Variants in STRN3 observed in about 807,000 individuals in gnomAD.
STRN3 encodes striatin-3.
A neutral mutation model predicts 95.6 loss-of-function variants in STRN3; 29 were observed. The ratio of observed to expected loss-of-function variants is 0.30; its 90% CI spans 0.23 to 0.41. STRN3 has a LOEUF of 0.41. Among genes scored for constraint, STRN3 ranks in the 10% least tolerant of loss-of-function variants. The probability of loss-of-function intolerance (pLI) is 1.00; values close to 1 mark genes in which losing one functional copy is unlikely to be tolerated. For synonymous variants in STRN3, 331 were observed against 357.6 expected (o/e 0.93, Z 0.84); for missense variants, 890 against 972.1 (o/e 0.92, Z 1.12).
chr14:30,975,793 C>G (rs1484105007), intron 1 of STRN3, among the ~76,000 whole-genome samples: 1 of 143,126 alleles, frequency 7.0e-6, no homozygotes, highest in Non-Finnish European at 1.5e-5. Flanking sequence ...ATGATGGTGC[C>G]ACTGCACTCC....
intron 1 of STRN3, among the ~76,000 whole-genome samples, chr14:30,965,168 G>C (rs2139174667): frequency 6.6e-6 from 1 of 152,208 alleles, no homozygotes; most frequent in Non-Finnish European, 1.5e-5. Context: ...GTCATTCAGA[G>C]GAGTCACATT....
At chr14:30,970,492 A>T (rs1880773260) in intron 1 of STRN3, among the ~76,000 whole-genome samples, 1 of 152,178 alleles carries the variant, frequency 6.6e-6, no homozygotes, top group African/African-American at 2.4e-5. Flanking sequence ...ATGCAATCCT[A>T]TACAGGCTAT....
chr14:30,908,047 T>C (rs1896512614), intron 13 of STRN3, among the ~76,000 whole-genome samples: 1 of 152,210 alleles, frequency 6.6e-6, no homozygotes. Context: ...TATAAATGAT[T>C]AGTGTCTAAA....
chr14:30,975,617 A>G (rs886642157), intron 1 of STRN3, among the ~76,000 whole-genome samples: 2 of 151,920 alleles, frequency 1.3e-5, no homozygotes, highest in Non-Finnish European at 2.9e-5. Flanking sequence ...GAAAAGAAAG[A>G]GGAAGTAGAC....
chr14:30,946,386 T>A (rs186462085), intron 5 of STRN3, among the ~76,000 whole-genome samples: 1 of 150,772 alleles, frequency 6.6e-6, no homozygotes, highest in African/African-American at 2.4e-5. Flanking sequence ...CCACAAAAAA[T>A]AAAAAAAATT....
At position 30,895,263 on chromosome 14, in the gene STRN3, A is replaced by G. The variant is rs1896110854; in HGVS notation, c.*148T>C. ...TTAACTTAATGAGCTTGACATTAAG[A>G]TGTGATTTCCACCAATTTGTGCCTG... On this transcript the variant is annotated 3_prime_UTR_variant, in exon 18 of 18. Transcript: ENST00000357479. The G allele has an allele frequency of 1.2e-5, 9 of 780,556 alleles. No individual in the cohort carries two copies. The highest frequency in any genetic ancestry group is 6.5e-5 in the South Asian group (3 of 46,004). 48.4% of individuals were successfully genotyped at this position (780,556 alleles called of 1,614,324 possible).
At chr14:30,921,886 T>A (rs1477756147) in intron 8 of STRN3, among the ~76,000 whole-genome samples, 6 of 152,192 alleles carry the variant, frequency 3.9e-5, no homozygotes, top group African/African-American at 1.2e-4. Context: ...TATTATTATT[T>A]GTGAGACAAG....
chr14:30,932,566 C>G (rs974751107), intron 7 of STRN3, among the ~76,000 whole-genome samples: 2 of 152,146 alleles, frequency 1.3e-5, no homozygotes, highest in African/African-American at 4.8e-5. Context: ...TCCGTCTCGT[C>G]TGGAAGTAAG....
chr14:31,007,631 A>T (rs1373817894), intron 1 of STRN3, among the ~76,000 whole-genome samples: 1 of 152,110 alleles, frequency 6.6e-6, no homozygotes, highest in African/African-American at 2.4e-5. Flanking sequence ...GGTCAGGTGC[A>T]GTGGTTCACA....
intron 14 of STRN3, among the ~76,000 whole-genome samples, chr14:30,905,947 A>C (rs2138968134): frequency 6.6e-6 from 1 of 152,286 alleles, no homozygotes; most frequent in Admixed American, 6.5e-5. Context: ...ACTTTGGGAG[A>C]CTGGTTCACC....
In STRN3 at chr14:30,916,420, G is replaced by A. The variant is rs1566433642; in HGVS notation, c.1240+2546C>T. The stretch of plus-strand genomic sequence containing the variant: ...CTCCTGAATAGCTGGGACTACAGGC[G>A]CCCGCCACCACGCCCAGCTAATTTT... On this transcript the variant is annotated intron_variant, in intron 9 of 17. Coordinates refer to ENST00000357479, the MANE Select transcript of STRN3 (RefSeq NM_001083893.2). 4.0e-5 allele frequency among the ~76,000 whole-genome samples: 6 copies of A among 151,506 alleles called. No individual in the cohort carries two copies. The South Asian group carries it at 6.3e-4, about 16-fold the overall frequency.
chr14:30,962,473 G>C (rs537317550), intron 1 of STRN3, among the ~76,000 whole-genome samples: 1 of 152,222 alleles, frequency 6.6e-6, no homozygotes, highest in African/African-American at 2.4e-5. Flanking sequence ...GACTCAACCA[G>C]AGCAATTTCC....
At position 30,921,065 on chromosome 14, in the gene STRN3, TACATATACAC is replaced by T. The variant is rs1253519790; in HGVS notation, c.1100-1969_1100-1960del. Among the ~76,000 whole-genome samples the T allele has an allele frequency of 9.6e-3, 857 of 89,244 alleles. 4 individuals carry two copies. Among genetic ancestry groups the T allele is most frequent in the Admixed American group, 0.016 (112 of 7,134 alleles). 58.5% of individuals were successfully genotyped at this position (89,244 alleles called of 152,430 possible). On this transcript the variant is annotated intron_variant, in intron 8 of 17. Coordinates refer to ENST00000357479, the MANE Select transcript of STRN3 (RefSeq NM_001083893.2). ...GAAAGGTGAGAAGGCTTTCTACACA[TACATATACAC>T]ACACACACACACACACACACACACA...
chr14:30,943,301 G>A (rs1284759587), intron 5 of STRN3, among the ~76,000 whole-genome samples: 3 of 152,120 alleles, frequency 2.0e-5, no homozygotes, highest in Admixed American at 6.6e-5. Context: ...AACTATTTCC[G>A]GCCAGGCGCA....
intron 5 of STRN3, among the ~76,000 whole-genome samples, chr14:30,944,484 A>ATATATACACATATATATACATG (rs1879245846): frequency 6.7e-6 from 1 of 148,892 alleles, no homozygotes; most frequent in Admixed American, 6.7e-5. Flanking sequence ...TATATACATA[A>ATATATACACATATATATACATG]TATATACACA....
chr14:30,930,595 A>G (rs1878482530), intron 7 of STRN3, among the ~76,000 whole-genome samples: 1 of 152,170 alleles, frequency 6.6e-6, no homozygotes, highest in African/African-American at 2.4e-5. Context: ...TTAATCTGCT[A>G]ACTTGAATCA....
At chr14:30,914,731 C>G (rs1896693465) in intron 9 of STRN3, among the ~76,000 whole-genome samples, 1 of 152,180 alleles carries the variant, frequency 6.6e-6, no homozygotes, top group Non-Finnish European at 1.5e-5. Flanking sequence ...TAAAATGAAG[C>G]AAGTAATCTT....
At chr14:30,920,587 G>A (rs573651301) in intron 8 of STRN3, among the ~76,000 whole-genome samples, 6 of 152,034 alleles carry the variant, frequency 3.9e-5, no homozygotes, top group Admixed American at 3.3e-4. Flanking sequence ...ATTATAAAAC[G>A]GTGGGGGCTG....
chr14:31,017,243 T>C (rs575120510), intron 1 of STRN3, among the ~76,000 whole-genome samples: 1 of 152,206 alleles, frequency 6.6e-6, no homozygotes, highest in East Asian at 1.9e-4. Context: ...CTCACGCCTG[T>C]AATCCCAGCA....
Sources: allele counts gnomAD v4.1 joint callset (sites outside exome capture counted in the v4.1 genomes callset), GRCh38; gene constraint gnomAD v4.1.1; transcripts MANE v1.5; gene names NCBI Gene and HGNC (gene_info 2026-07-23, HGNC 2026-07-21).